The following USH2A variants were observed in gnomAD, a reference collection of about 807,000 sequenced individuals.
USH2A encodes Usher syndrome 2A (autosomal recessive, mild).
In USH2A, 443 loss-of-function variants were observed where a neutral mutation model predicts 538.9. The observed-to-expected ratio is 0.82, with a 90% CI of 0.76 to 0.89. The LOEUF (loss-of-function observed/expected upper bound fraction) is 0.89. Among genes scored for constraint, USH2A ranks in the 40% least tolerant of loss-of-function variants. The probability of loss-of-function intolerance (pLI) is 0.00; values close to 1 mark genes in which losing one functional copy is unlikely to be tolerated. For synonymous variants in USH2A, 2,413 were observed against 2,273.5 expected (o/e 1.06, Z -1.75); for missense variants, 6,633 against 6,324.8 (o/e 1.05, Z -1.65).
At chr1:216,134,080 C>T (rs116582838) in intron 21 of USH2A, among the ~76,000 whole-genome samples, 54 of 152,138 alleles carry the variant, frequency 3.5e-4, no homozygotes, top group African/African-American at 1.3e-3. Context: ...CTCTTAGACA[C>T]ACTGGGAAAA....
intron 22 of USH2A, among the ~76,000 whole-genome samples, chr1:216,095,207 T>C (rs1032351240): frequency 6.6e-6 from 1 of 152,144 alleles, no homozygotes; most frequent in Non-Finnish European, 1.5e-5. Context: ...GAGCATGTGC[T>C]TTTTGTTCTC....
intron 64 of USH2A, among the ~76,000 whole-genome samples, chr1:215,655,725 CTTT>C (rs766225635): frequency 3.1e-5 from 3 of 96,172 alleles, no homozygotes. Context: ...GCTAGTTATT[CTTT>C]TTTTTTTTTT....
intron 15 of USH2A, among the ~76,000 whole-genome samples, chr1:216,216,032 T>A (rs1205762516): frequency 6.6e-6 from 1 of 151,974 alleles, no homozygotes; most frequent in Non-Finnish European, 1.5e-5. Flanking sequence ...CAATCAGAAA[T>A]CACTAAGATT....
chr1:216,072,508 T>C (rs1393478957), intron 29 of USH2A: 1 of 302,062 alleles, frequency 3.3e-6, no homozygotes, highest in Non-Finnish European at 6.4e-6. Flanking sequence ...GTCAAGAAGG[T>C]GCCACTCCCA....
chr1:216,043,040 A>C (rs2030354724), intron 32 of USH2A, among the ~76,000 whole-genome samples: 2 of 152,094 alleles, frequency 1.3e-5, no homozygotes, highest in Admixed American at 1.3e-4. Context: ...AAAGTCACCC[A>C]GTTTTGTTAT....
At chr1:216,356,253 T>G (rs992473081) in intron 4 of USH2A, among the ~76,000 whole-genome samples, 1 of 152,116 alleles carries the variant, frequency 6.6e-6, no homozygotes, top group Non-Finnish European at 1.5e-5. Flanking sequence ...TTTAAATGAC[T>G]AACATTTTCA....
intron 13 of USH2A, among the ~76,000 whole-genome samples, chr1:216,242,456 G>T (rs557103527): frequency 1.3e-5 from 2 of 151,858 alleles, no homozygotes; most frequent in African/African-American, 4.8e-5. Context: ...ACGATACTGA[G>T]AAATAATCAG....
chr1:216,271,325 A>C (rs904506324), intron 11 of USH2A, among the ~76,000 whole-genome samples: 5 of 152,062 alleles, frequency 3.3e-5, no homozygotes, highest in Admixed American at 6.6e-5. Flanking sequence ...TGCACATCAA[A>C]CATCCCGTCC....
At chr1:216,363,620 T>C (rs2038537989) in intron 4 of USH2A, among the ~76,000 whole-genome samples, 1 of 152,006 alleles carries the variant, frequency 6.6e-6, no homozygotes, top group South Asian at 2.1e-4. Context: ...TAAATATATG[T>C]GGATATATAT....
intron 62 of USH2A, among the ~76,000 whole-genome samples, chr1:215,676,019 G>T (rs978545187): frequency 1.3e-5 from 2 of 152,014 alleles, no homozygotes; most frequent in East Asian, 3.9e-4. Context: ...CTAAAGTAGG[G>T]TCTACCTTCC....
At chr1:216,097,362 T>G in intron 21 of USH2A, 149 bp from the exon 22 acceptor site, 1 of 1,406,726 alleles carries the variant, frequency 7.1e-7, no homozygotes, top group Admixed American at 2.1e-5. Flanking sequence ...TCTAGGCCAT[T>G]TGGTTTTAAA....
intron 56 of USH2A, among the ~76,000 whole-genome samples, chr1:215,760,840 T>C (rs1445745321): frequency 6.6e-6 from 1 of 152,230 alleles, no homozygotes; most frequent in Non-Finnish European, 1.5e-5. Context: ...ACTCCTGTCA[T>C]AGCTTCTAAA....
At chr1:215,941,060 C>T (rs1436406406) in intron 37 of USH2A, among the ~76,000 whole-genome samples, 1 of 151,768 alleles carries the variant, frequency 6.6e-6, no homozygotes, top group Non-Finnish European at 1.5e-5. Flanking sequence ...TTTATTTTTC[C>T]CCATCAAGCT....
rs1362959483 is a variant in USH2A at position 215,934,943 on chromosome 1, C to T, written c.7121-148G>A. On this transcript the variant is annotated intron_variant, in intron 37 of 71. Transcript: ENST00000307340. ...TAAGAGGCATTACATGTGCTTCTAT[C>T]AATGCACATATTTGGATTTTATTAT... The T allele has an allele frequency of 2.1e-5, 15 of 712,380 alleles. No individual in the cohort carries two copies. The East Asian group carries it at 3.7e-4, about 17-fold the overall frequency. The allele number at this position is 712,380 out of a possible 1,614,324, so 44.1% of individuals were successfully genotyped here.
intron 49 of USH2A, among the ~76,000 whole-genome samples, chr1:215,806,135 T>C (rs1008713926): frequency 4.9e-4 from 74 of 152,136 alleles, no homozygotes; most frequent in African/African-American, 1.7e-3. Context: ...GGTAGGTATA[T>C]TATCTATCAA....
At chr1:216,336,741 T>C (rs775583756) in intron 4 of USH2A, among the ~76,000 whole-genome samples, 2 of 151,440 alleles carry the variant, frequency 1.3e-5, no homozygotes, top group African/African-American at 2.4e-5. Flanking sequence ...TGAAAACATA[T>C]CATGCACCTT....
chr1:215,675,278 A>C lies in USH2A; in HGVS notation c.12633T>G (p.Ile4211Met), dbSNP rs727503716. 4 of 1,614,000 alleles carry C rather than the reference A, an allele frequency of 2.5e-6. No homozygotes were observed. The highest frequency in any genetic ancestry group is 1.7e-5 in the Admixed American group (1 of 59,998). Residue 4211 changes from isoleucine (I) to methionine (M), a missense_variant, in exon 63 of 72, where the codon ATT becomes ATG. By Grantham distance (10) the Ile-to-Met change is conservative (BLOSUM62 1). Coordinates refer to ENST00000307340, the MANE Select transcript of USH2A (RefSeq NM_206933.4). The stretch of plus-strand genomic sequence containing the variant: ...TTTCAGTGTTATATTCTGTGAAAAC[A>C]ATTTTCTCGTCGGCCTGGATTGTCT... ...GNQTIQADEK[I>M]VFTEYNTERN...
At chr1:215,758,459 G>A (rs977821897) in intron 58 of USH2A, 136 bp downstream of exon 58, 2 of 1,082,752 alleles carry the variant, frequency 1.8e-6, no homozygotes, top group Admixed American at 2.2e-5. Flanking sequence ...GTGTGGTTTA[G>A]ATTTTTCTGT....
chr1:215,924,015 C>T (rs1020105126), intron 38 of USH2A, among the ~76,000 whole-genome samples: 3 of 151,822 alleles, frequency 2.0e-5, no homozygotes, highest in Non-Finnish European at 4.4e-5. Context: ...TGTGAGACAC[C>T]ACACCCAGCC....
Sources: allele counts gnomAD v4.1 joint callset (sites outside exome capture counted in the v4.1 genomes callset), GRCh38; gene constraint gnomAD v4.1.1; transcripts MANE v1.5; gene names NCBI Gene and HGNC (gene_info 2026-07-23, HGNC 2026-07-21).